DIDO1: variants seen among roughly 807,000 people sequenced by gnomAD.
DIDO1 encodes death inducer-obliterator 1.
A neutral mutation model predicts 99.4 loss-of-function variants in DIDO1; 16 were observed. The ratio of observed to expected loss-of-function variants is 0.16; its 90% CI spans 0.11 to 0.24. DIDO1 has a LOEUF of 0.24. DIDO1 is among the 10% of genes least tolerant of loss of function. The pLI is 1.00. For missense variants in DIDO1, 2,996 were observed against 3,014.0 expected (o/e 0.99, Z 0.14); for synonymous variants, 1,366 against 1,239.1 (o/e 1.10, Z -2.15).
At position 62,881,926 on chromosome 20, in the gene DIDO1, G is replaced by C. The variant is rs746766559; in HGVS notation, c.4030C>G (p.Gln1344Glu). 1.2e-6 allele frequency: 2 copies of C among 1,613,408 alleles called. No homozygotes were observed. The highest frequency in any genetic ancestry group is 1.1e-5 in the South Asian group (1 of 91,074). ...EPPGSTAGLPQEPKTTAEDGV... is the reference protein window; with the variant it reads ...EPPGSTAGLPEEPKTTAEDGV... ...TCCTCTGCTGTGGTTTTGGGCTCCTGGGGGAGACCTGCGGTGGACCCGGGA... is the reference window on the plus strand; with the variant it reads ...TCCTCTGCTGTGGTTTTGGGCTCCTCGGGGAGACCTGCGGTGGACCCGGGA... Residue 1344 changes from glutamine to glutamate, a missense_variant, in exon 16 of 16, where the codon CAG becomes GAG. Around this residue, in one of 5 missense-constraint regions of DIDO1, gnomAD observed 1,562 missense variants for 1,412.6 expected, o/e 1.11. Coordinates refer to ENST00000395343, the MANE Select transcript of DIDO1 (RefSeq NM_001193369.2). This position sits in a 1 kb window ranked among gnomAD's most constrained non-coding sequence, Gnocchi z 8.3.
intron 6 of DIDO1, among the ~76,000 whole-genome samples, chr20:62,904,780 CAAA>C (rs58039393): frequency 4.6e-4 from 29 of 62,614 alleles, no homozygotes; most frequent in African/African-American, 6.9e-4. Context: ...ACTCTTGTCT[CAAA>C]AAAAAAAAAA....
At chr20:62,935,149 C>T (rs1270756871) in intron 1 of DIDO1, among the ~76,000 whole-genome samples, 1 of 152,214 alleles carries the variant, frequency 6.6e-6, no homozygotes, top group Non-Finnish European at 1.5e-5. Context: ...GGTGCCACCA[C>T]CTCATCAGCT....
chr20:62,915,719 C>T (rs889550447), intron 1 of DIDO1, among the ~76,000 whole-genome samples: 2 of 152,130 alleles, frequency 1.3e-5, no homozygotes, highest in Admixed American at 1.3e-4. Context: ...TCTTGAACTG[C>T]TGGCCTCAAG....
chr20:62,924,343 T>C (rs1014304991), intron 1 of DIDO1, among the ~76,000 whole-genome samples: 3 of 152,206 alleles, frequency 2.0e-5, no homozygotes, highest in Non-Finnish European at 2.9e-5. Context: ...GAGTCACCTG[T>C]TAAACACTTT....
rs58039393 is a variant in DIDO1 at position 62,904,780 on chromosome 20, C to CAAAAA, written c.1588+1102_1588+1106dup. 8.1e-4 allele frequency among the ~76,000 whole-genome samples: 51 copies of CAAAAA among 62,604 alleles called. 1 individual carries two copies. Among genetic ancestry groups the CAAAAA allele is most frequent in the South Asian group, 2.7e-3 (5 of 1,854 alleles). 41.1% of individuals were successfully genotyped at this position (62,604 alleles called of 152,430 possible). On this transcript the variant is annotated intron_variant, in intron 6 of 15. Transcript: ENST00000395343. ...GGGTGACAGAGCAAGACTCTTGTCT[C>CAAAAA]AAAAAAAAAAAAAAAAAAAAAAAAA...
In DIDO1 at chr20:62,879,272, G is replaced by C; in HGVS notation, c.6684C>G (p.Ala2228=). The change falls in exon 16 of 16, where the codon GCC becomes GCG. Residue 2228 remains alanine, a synonymous_variant. Transcript: ENST00000395343. This position sits in a 1 kb window ranked among gnomAD's most constrained non-coding sequence, Gnocchi z 6.3. ...CGGTGCCAGCGTCGGAGGCCCTCGA[G>C]GCCTCGGGCTTCGGGTCCCGAGCGC... ...KESARDPKPE[A]SRASDAGTAS... 1 of 1,572,054 alleles carries C rather than the reference G, an allele frequency of 6.4e-7. No individual in the cohort carries two copies. Among genetic ancestry groups the C allele is most frequent in the Non-Finnish European group, 8.6e-7 (1 of 1,162,650 alleles).
intron 1 of DIDO1, among the ~76,000 whole-genome samples, chr20:62,932,986 G>A (rs925520642): frequency 2.6e-5 from 4 of 152,180 alleles, no homozygotes; most frequent in Non-Finnish European, 5.9e-5. Context: ...GCCCAGGCAG[G>A]TGGATCACCT....
chr20:62,884,136 CA>C (rs1218744393), intron 15 of DIDO1, among the ~76,000 whole-genome samples: 1 of 152,198 alleles, frequency 6.6e-6, no homozygotes, highest in African/African-American at 2.4e-5. Flanking sequence ...AGGTGCTCAG[CA>C]AACAGGTGGC....
chr20:62,881,649 T>C lies in DIDO1; in HGVS notation c.4307A>G (p.Glu1436Gly). The stretch of plus-strand genomic sequence containing the variant: ...CAGGTCATCAACAGTCACTTTCGCT[T>C]CTTCTAAGATGGTCTCATCCTCGGG... Reference protein sequence around the residue: ...YDPEDETILEEAKVTVDDLPN... With the variant: ...YDPEDETILEGAKVTVDDLPN... Residue 1436 changes from glutamate to glycine, a missense_variant, in exon 16 of 16, where the codon GAA (glutamate) becomes GGA (glycine). Coordinates refer to ENST00000395343, the MANE Select transcript of DIDO1 (RefSeq NM_001193369.2). This position sits in a 1 kb window ranked among gnomAD's most constrained non-coding sequence, Gnocchi z 8.3. 1 of 1,612,724 alleles carries C rather than the reference T, an allele frequency of 6.2e-7. No individual in the cohort carries two copies. Among genetic ancestry groups the C allele is most frequent in the South Asian group, 1.1e-5 (1 of 91,074 alleles).
intron 1 of DIDO1, among the ~76,000 whole-genome samples, chr20:62,922,028 C>A (rs148924444): frequency 3.5e-5 from 5 of 141,038 alleles, no homozygotes; most frequent in African/African-American, 1.2e-4. Context: ...CAATATATAT[C>A]CACACGATAT....
intron 15 of DIDO1, among the ~76,000 whole-genome samples, chr20:62,886,810 T>C (rs1188925307): frequency 1.3e-5 from 2 of 152,070 alleles, no homozygotes; most frequent in Non-Finnish European, 2.9e-5. Flanking sequence ...ACAGAAACGG[T>C]GTGGAAGTTA....
At chr20:62,888,869 C>G in intron 15 of DIDO1, 1 of 985,470 alleles carries the variant, frequency 1.0e-6, no homozygotes, top group Non-Finnish European at 1.2e-6. Context: ...ACAAGGACAT[C>G]AGGAGAAGTT....
In DIDO1 at chr20:62,880,436, G is replaced by A. The variant is rs2064180137; in HGVS notation, c.5520C>T (p.Ser1840=). 1 of 1,612,884 alleles carries A rather than the reference G, an allele frequency of 6.2e-7. No homozygotes were observed. The highest frequency in any genetic ancestry group is 2.2e-5 in the East Asian group (1 of 44,870). Reference sequence around the variant, plus strand: ...GGGGATCCTTGCGTTCTTCAAATTGGGATGGTGCCACTCCTCGTGGTCCAC... The same window carrying A: ...GGGGATCCTTGCGTTCTTCAAATTGAGATGGTGCCACTCCTCGTGGTCCAC... ...YLGGPRGVAP[S]QFEERKDPHG... is the part of the protein sequence containing the mutation. The change falls in exon 16 of 16, where the codon TCC becomes TCT. Residue 1840 remains serine, a synonymous_variant. Transcript: ENST00000395343.
chr20:62,927,365 T>C (rs755572670), upstream of DIDO1, among the ~76,000 whole-genome samples: 20 of 152,290 alleles, frequency 1.3e-4, no homozygotes, highest in Non-Finnish European at 2.4e-4. Context: ...CAACCTTCCA[T>C]GTGGATTTTC....
Position 62,880,701 on chromosome 20 carries a change from C to T in DIDO1, c.5255G>A (p.Gly1752Asp). 1 of 1,612,746 alleles carries T rather than the reference C, an allele frequency of 6.2e-7. No homozygotes were observed. The highest frequency in any genetic ancestry group is 8.5e-7 in the Non-Finnish European group (1 of 1,179,902). The stretch of plus-strand genomic sequence containing the variant: ...AGCATGAGGTCCAGGTTCCCGCTGA[C>T]CCTGAAACGGGGGCTGAGAGCCCCC... ...KVGGSQPPFQ[G>D]QREPGPHALG... Residue 1752 changes from glycine (G) to aspartate (D), a missense_variant, in exon 16 of 16, where the codon GGT (glycine) becomes GAT (aspartate). Gly to Asp is a moderately conservative substitution (Grantham distance 94). This residue lies in a region of DIDO1 where 1,562 missense variants were observed against 1,412.6 expected (regional missense o/e 1.11). Coordinates refer to ENST00000395343, the MANE Select transcript of DIDO1 (RefSeq NM_001193369.2).
In DIDO1 at chr20:62,892,897, A is replaced by G. The variant is rs749925965; in HGVS notation, c.3167T>C (p.Ile1056Thr). 6.2e-7 allele frequency: 1 copy of G among 1,614,138 alleles called. No individual in the cohort carries two copies. Among genetic ancestry groups the G allele is most frequent in the South Asian group, 1.1e-5 (1 of 91,078 alleles). The change falls in exon 13 of 16, where the codon ATT becomes ACT. Residue 1056 changes from isoleucine to threonine, a missense_variant. Physicochemically the swap from Ile to Thr is moderately conservative, Grantham distance 89. Coordinates refer to ENST00000395343, the MANE Select transcript of DIDO1 (RefSeq NM_001193369.2). ...TTLFLSRLST[I>T]WKGFINMQSV... ...CTGCATGTTAATAAATCCTTTCCAA[A>G]TGGTGCTGAGTCGAGACAAAAAGAG... is the stretch of plus-strand genomic sequence containing the variant.
intron 1 of DIDO1, among the ~76,000 whole-genome samples, chr20:62,916,317 CA>C (rs1255291658): frequency 3.3e-5 from 5 of 151,768 alleles, no homozygotes; most frequent in African/African-American, 1.2e-4. Context: ...TTTCTAAGCA[CA>C]TTTTTTTCCC....
intron 6 of DIDO1, among the ~76,000 whole-genome samples, chr20:62,901,604 T>TAAAGCCCCTAGCTGACAGCACCAAGCAG (rs1285130347): frequency 6.6e-6 from 1 of 152,174 alleles, no homozygotes; most frequent in African/African-American, 2.4e-5. Flanking sequence ...ATACTCAGTA[T>TAAAGCCCCTAGCTGACAGCACCAAGCAG]AAAGCCCCTA....
rs1816360874 is a variant in DIDO1, at chr20:62,911,708, C to T, written c.-2-94G>A. The T allele has an allele frequency of 2.7e-6, 3 of 1,129,518 alleles. No homozygotes were observed. Among genetic ancestry groups the T allele is most frequent in the Non-Finnish European group, 3.7e-6 (3 of 810,842 alleles). The allele number at this position is 1,129,518 out of a possible 1,614,324, so 70.0% of individuals were successfully genotyped here. A position where few individuals can be genotyped will look rare whatever the true frequency, so the allele number is the denominator to read the frequency against. On this transcript the variant is annotated intron_variant, in intron 2 of 15. Transcript: ENST00000395343. This position sits in a 1 kb window ranked among gnomAD's most constrained non-coding sequence, Gnocchi z 7.0. ...ACGCGCAGCAGGGGCCACCTCCCTACAAACAGTGGAGCTCTACATAAAGCA... is the reference window on the plus strand; with the variant it reads ...ACGCGCAGCAGGGGCCACCTCCCTATAAACAGTGGAGCTCTACATAAAGCA...
Sources: allele counts gnomAD v4.1 joint callset (sites outside exome capture counted in the v4.1 genomes callset), GRCh38; gene constraint gnomAD v4.1.1; regional missense constraint gnomAD v4.1.1; non-coding constraint Gnocchi (gnomAD v3.1); transcripts MANE v1.5; gene names NCBI Gene and HGNC (gene_info 2026-07-23, HGNC 2026-07-21).